Variants in IKZF1 observed in about 807,000 individuals in gnomAD.
The protein encoded by IKZF1 is IKAROS family zinc finger 1, also known as DNA-binding protein Ikaros.
Under a neutral mutation model 51.7 loss-of-function variants are expected in IKZF1, and 10 were observed. That is an observed-to-expected ratio of 0.19 (90% CI 0.12 to 0.33). The LOEUF (loss-of-function observed/expected upper bound fraction) is 0.33. Ranked by LOEUF, IKZF1 falls within the 10% of genes least tolerant of loss-of-function variation. IKZF1 has a pLI of 1.00. For synonymous variants in IKZF1, 280 were observed against 282.3 expected, an observed-to-expected ratio of 0.99 and a Z score of 0.08; for missense variants, 484 against 707.5, an observed-to-expected ratio of 0.68 and a Z score of 3.58.
intron 3 of IKZF1, among the ~76,000 whole-genome samples, chr7:50,338,171 T>A (rs956070026): frequency 5.3e-5 from 8 of 152,238 alleles, no homozygotes; most frequent in Non-Finnish European, 1.0e-4. Flanking sequence ...GTGATGACTA[T>A]GTGTCTTCAA....
chr7:50,324,071 G>A lies in IKZF1; in HGVS notation c.41-3567G>A, dbSNP rs572736199. ...TTGAGATGCCTGTTGGCTTGATTTA[G>A]TCATTTATTTTTTAGTGTTTTATAA... On this transcript the variant is annotated intron_variant, in intron 2 of 7. Coordinates refer to ENST00000331340, the MANE Select transcript of IKZF1 (RefSeq NM_006060.6). 3.3e-5 allele frequency among the ~76,000 whole-genome samples: 5 copies of A among 152,310 alleles called. No homozygotes were observed. The South Asian group carries it at 8.3e-4, about 25-fold the overall frequency.
At chr7:50,366,362 C>T (rs1228316622) in intron 3 of IKZF1, among the ~76,000 whole-genome samples, 1 of 152,184 alleles carries the variant, frequency 6.6e-6, no homozygotes, top group Non-Finnish European at 1.5e-5. Flanking sequence ...TGTTTCAAGG[C>T]TTACACTTTG....
chr7:50,365,360 C>T (rs1806581370), intron 3 of IKZF1, among the ~76,000 whole-genome samples: 1 of 152,176 alleles, frequency 6.6e-6, no homozygotes, highest in East Asian at 1.9e-4. Context: ...CTAATAGGTA[C>T]AGCTATATTT....
chr7:50,341,652 A>G (rs1353687814), intron 3 of IKZF1, among the ~76,000 whole-genome samples: 1 of 152,216 alleles, frequency 6.6e-6, no homozygotes, highest in African/African-American at 2.4e-5. Flanking sequence ...TTTGACCTGC[A>G]TATTTGCTGG....
chr7:50,344,642 C>T (rs1200062293), intron 3 of IKZF1, among the ~76,000 whole-genome samples: 1 of 152,198 alleles, frequency 6.6e-6, no homozygotes, highest in Admixed American at 6.5e-5. Context: ...AGGTAGATTG[C>T]AAGTTCCTTG....
At chr7:50,318,544 G>A (rs1404547819) in intron 1 of IKZF1, 1 of 223,416 alleles carries the variant, frequency 4.5e-6, no homozygotes, top group African/African-American at 2.2e-5. Context: ...TGCAGTTGCT[G>A]CTCAGATATG....
chr7:50,398,174 C>T (rs1028527810), intron 7 of IKZF1, among the ~76,000 whole-genome samples: 1 of 152,236 alleles, frequency 6.6e-6, no homozygotes, highest in Non-Finnish European at 1.5e-5. Context: ...CACCAGCCAT[C>T]ATCAGCCATA....
In IKZF1 at chr7:50,401,914, A is replaced by T. The variant is rs964280166; in HGVS notation, c.*1287A>T. On this transcript the variant is annotated 3_prime_UTR_variant, in exon 8 of 8. Coordinates refer to ENST00000331340, the MANE Select transcript of IKZF1 (RefSeq NM_006060.6). ...GGCAAGCCAGCATGTGTGTCCACAC[A>T]TACATAGGATGGCTGGCTCTGCACC... The T allele has an allele frequency of 8.4e-5, 19 of 226,496 alleles. No homozygotes were observed. The highest frequency in any genetic ancestry group is 1.2e-4 in the Non-Finnish European group (14 of 113,876). 14.0% of individuals were successfully genotyped at this position (226,496 alleles called of 1,614,324 possible).
At chr7:50,343,412 G>C (rs1300170527) in intron 3 of IKZF1, among the ~76,000 whole-genome samples, 1 of 152,006 alleles carries the variant, frequency 6.6e-6, no homozygotes, top group Non-Finnish European at 1.5e-5. Flanking sequence ...ACAAGACATA[G>C]AGAAATGACT....
chr7:50,353,153 T>C (rs1802302518), intron 3 of IKZF1, among the ~76,000 whole-genome samples: 1 of 152,210 alleles, frequency 6.6e-6, no homozygotes, highest in African/African-American at 2.4e-5. Context: ...TAGGATGCTG[T>C]GCCACAGCCC....
chr7:50,313,082 G>C (rs1478644977), intron 1 of IKZF1, among the ~76,000 whole-genome samples: 1 of 152,184 alleles, frequency 6.6e-6, no homozygotes, highest in Non-Finnish European at 1.5e-5. Context: ...TCTTTGACTA[G>C]ATACAAAGAC....
At chr7:50,390,035 C>T (rs1814579862) in intron 6 of IKZF1, among the ~76,000 whole-genome samples, 1 of 152,232 alleles carries the variant, frequency 6.6e-6, no homozygotes, top group African/African-American at 2.4e-5. Context: ...CTTTTGGTCA[C>T]CTCTTATAAT....
chr7:50,325,278 C>CA (rs71018469), intron 2 of IKZF1, among the ~76,000 whole-genome samples: 1,661 of 93,648 alleles, frequency 0.018, 68 homozygotes, highest in African/African-American at 0.062. Flanking sequence ...CCGCTGCCAC[C>CA]AAAAAAAAAA....
At chr7:50,321,016 A>T (rs1424625157) in intron 2 of IKZF1, among the ~76,000 whole-genome samples, 2 of 152,238 alleles carry the variant, frequency 1.3e-5, no homozygotes, top group African/African-American at 2.4e-5. Flanking sequence ...ATGGTTCTGG[A>T]TGGTATGCAA....
intron 2 of IKZF1, among the ~76,000 whole-genome samples, chr7:50,325,925 TTAAC>T (rs1794882030): frequency 1.3e-5 from 2 of 152,260 alleles, no homozygotes; most frequent in East Asian, 1.9e-4. Context: ...TGCTCCGTCT[TTAAC>T]TATTCATTTT....
chr7:50,353,587 G>A (rs945799046), intron 3 of IKZF1, among the ~76,000 whole-genome samples: 26 of 152,300 alleles, frequency 1.7e-4, no homozygotes, highest in South Asian at 4.1e-4. Flanking sequence ...CATCCTGGCC[G>A]GAAGAGTCAG....
intron 3 of IKZF1, among the ~76,000 whole-genome samples, chr7:50,375,311 C>G (rs1809906734): frequency 6.6e-6 from 1 of 152,098 alleles, no homozygotes. Flanking sequence ...GTAGTCACAA[C>G]TACTGGGGAG....
chr7:50,401,830 C>T lies in IKZF1; in HGVS notation c.*1203C>T, dbSNP rs1045527305. 4 of 223,810 alleles carry T rather than the reference C, an allele frequency of 1.8e-5. No individual in the cohort carries two copies. Among genetic ancestry groups the T allele is most frequent in the Admixed American group, 1.1e-4 (2 of 17,412 alleles). 13.9% of individuals were successfully genotyped at this position (223,810 alleles called of 1,614,324 possible). A position where few individuals can be genotyped will look rare whatever the true frequency, so the allele number is the denominator to read the frequency against. ...AAGCCCAGCATCTCTGTTGCTAACA[C>T]ACAGAGCTCACCTGTTTGAAACCAA... On this transcript the variant is annotated 3_prime_UTR_variant, in exon 8 of 8. Coordinates refer to ENST00000331340, the MANE Select transcript of IKZF1 (RefSeq NM_006060.6).
At chr7:50,307,727 A>G (rs1208876035) in intron 1 of IKZF1, among the ~76,000 whole-genome samples, 2 of 152,226 alleles carry the variant, frequency 1.3e-5, no homozygotes, top group East Asian at 1.9e-4. Flanking sequence ...ATTTTGCTCA[A>G]AAAGGGCACA....
Sources: gnomAD v4.1 joint callset for allele counts (sites outside exome capture counted in the v4.1 genomes callset) on GRCh38, gnomAD v4.1.1 for gene constraint, MANE v1.5 for transcripts, NCBI Gene and HGNC (gene_info 2026-07-23, HGNC 2026-07-21) for gene names.